TECRL: variants seen among roughly 807,000 people sequenced by gnomAD.
TECRL encodes the protein trans-2,3-enoyl-CoA reductase-like.
Under a neutral mutation model 52.8 loss-of-function variants are expected in TECRL, and 63 were observed. The ratio of observed to expected loss-of-function variants is 1.19; its 90% CI spans 0.97 to 1.47. The LOEUF (loss-of-function observed/expected upper bound fraction) is 1.47. TECRL is among the 40% of genes most tolerant of loss of function. The pLI, the probability that TECRL is intolerant of heterozygous loss-of-function variation, is 0.00. For missense variants in TECRL, 482 were observed against 429.6 expected, an observed-to-expected ratio of 1.12 and a Z score of -1.08; for synonymous variants, 164 against 141.9, an observed-to-expected ratio of 1.16 and a Z score of -1.10.
At chr4:64,356,860 G>C (rs4241649) in intron 2 of TECRL, among the ~76,000 whole-genome samples, 137,858 of 152,170 alleles carry the variant, frequency 0.91, 62,946 homozygotes, top group East Asian at 1. Flanking sequence ...GAGGGGCTGG[G>C]CTCCTTCAAC....
intron 2 of TECRL, among the ~76,000 whole-genome samples, chr4:64,373,201 T>A (rs1722105813): frequency 6.6e-6 from 1 of 151,686 alleles, no homozygotes; most frequent in South Asian, 2.1e-4. Flanking sequence ...GCTGAAATAT[T>A]ATTTTTATAT....
intron 2 of TECRL, among the ~76,000 whole-genome samples, chr4:64,357,618 A>T (rs1209771111): frequency 6.6e-6 from 1 of 151,588 alleles, no homozygotes; most frequent in Non-Finnish European, 1.5e-5. Context: ...AAAAGTTAAA[A>T]TAAAAATTAT....
intron 1 of TECRL, among the ~76,000 whole-genome samples, chr4:64,404,082 A>G (rs1485643304): frequency 1.3e-5 from 2 of 152,170 alleles, no homozygotes; most frequent in East Asian, 3.9e-4. Flanking sequence ...TATAATTTGT[A>G]TGCACTCTTA....
chr4:64,358,834 T>G (rs535762471), intron 2 of TECRL, among the ~76,000 whole-genome samples: 122 of 151,908 alleles, frequency 8.0e-4, no homozygotes, highest in African/African-American at 2.9e-3. Flanking sequence ...AGCAATAAGA[T>G]TCAGTATATT....
chr4:64,337,852 C>G (rs969701014), intron 2 of TECRL, among the ~76,000 whole-genome samples: 1 of 152,122 alleles, frequency 6.6e-6, no homozygotes, highest in Non-Finnish European at 1.5e-5. Context: ...AATGGCCATA[C>G]TGCCCAAGGT....
intron 2 of TECRL, among the ~76,000 whole-genome samples, chr4:64,338,044 A>G (rs1022581854): frequency 6.6e-5 from 10 of 152,224 alleles, no homozygotes; most frequent in Non-Finnish European, 1.3e-4. Context: ...CTATAAGGCT[A>G]CAATAACCAA....
At chr4:64,345,907 C>CAAAGAAAAAAAAAAA (rs1719924134) in intron 2 of TECRL, among the ~76,000 whole-genome samples, 1 of 23,350 alleles carries the variant, frequency 4.3e-5, no homozygotes, top group Non-Finnish European at 6.8e-5. Context: ...GCCTCAACAG[C>CAAAGAAAAAAAAAAA]AAAAAAAAAA....
Position 64,278,894 on chromosome 4 carries a change from A to G in TECRL, c.*1178T>C, listed in dbSNP as rs1722679777. 6.6e-6 allele frequency: 1 copy of G among 152,184 alleles called. No individual in the cohort carries two copies. The highest frequency in any genetic ancestry group is 1.5e-5 in the Non-Finnish European group (1 of 68,032). The allele number at this position is 152,184 out of a possible 1,614,324, so 9.4% of individuals were successfully genotyped here. On this transcript the variant is annotated 3_prime_UTR_variant, in exon 12 of 12. Transcript: ENST00000381210. ...TTCTGTTCCTGGCTTGTTTCACTTA[A>G]CATATGCCCTCCAATTCCATCCATG...
At chr4:64,314,923 C>A (rs969081277) in intron 4 of TECRL, among the ~76,000 whole-genome samples, 160 bp from the exon 5 acceptor site, 1 of 151,982 alleles carries the variant, frequency 6.6e-6, no homozygotes, top group African/African-American at 2.4e-5. Context: ...TTGGAAGAAC[C>A]AGGGGGAGAA....
chr4:64,404,317 AT>A (rs1326274256), intron 1 of TECRL, among the ~76,000 whole-genome samples: 1 of 151,812 alleles, frequency 6.6e-6, no homozygotes, highest in Non-Finnish European at 1.5e-5. Context: ...TATTGGAAAC[AT>A]TTACCATTTA....
chr4:64,389,302 C>T (rs1723393391), intron 1 of TECRL, among the ~76,000 whole-genome samples: 1 of 151,842 alleles, frequency 6.6e-6, no homozygotes, highest in African/African-American at 2.4e-5. Context: ...TCTATTCCTA[C>T]TTTATTGAGA....
intron 1 of TECRL, among the ~76,000 whole-genome samples, chr4:64,399,338 GC>G (rs1724179854): frequency 6.6e-6 from 1 of 152,124 alleles, no homozygotes; most frequent in African/African-American, 2.4e-5. Flanking sequence ...TAAAAGAGAA[GC>G]AGAGCATAAA....
Position 64,375,237 on chromosome 4 carries a change from G to C in TECRL, c.235-14C>G. On this transcript the variant is annotated splice_polypyrimidine_tract_variant and intron_variant, in intron 1 of 11. Coordinates refer to ENST00000381210, the MANE Select transcript of TECRL (RefSeq NM_001010874.5). ...TGATTGTGTCACCTGAAAAGGAAAA[G>C]AAAATAGAGTTATTTTTAAAAACTG... 1 of 1,325,648 alleles carries C rather than the reference G, an allele frequency of 7.5e-7. No homozygotes were observed. Among genetic ancestry groups the C allele is most frequent in the Non-Finnish European group, 1.0e-6 (1 of 1,003,590 alleles). The allele number at this position is 1,325,648 out of a possible 1,614,324, so 82.1% of individuals were successfully genotyped here.
intron 1 of TECRL, among the ~76,000 whole-genome samples, chr4:64,382,326 T>G: frequency 6.9e-6 from 1 of 144,772 alleles, no homozygotes; most frequent in African/African-American, 2.6e-5. Flanking sequence ...ATATCTATAT[T>G]ATATATATAT....
chr4:64,299,974 C>G lies in TECRL; in HGVS notation c.774G>C (p.Leu258=). The change falls in exon 8 of 12, where the codon CTG becomes CTC. Residue 258 remains leucine (L), a splice_region_variant and synonymous_variant. Transcript: ENST00000381210. ...RQITVSAINF[L]ICEAGNHFIN... ...AGCAAAATATATATATGATACATAC[C>G]AGAAAATTGATAGCAGATACTGTGA... The G allele has an allele frequency of 3.2e-6, 5 of 1,567,058 alleles. No individual in the cohort carries two copies. The Admixed American group carries it at 9.0e-5, about 28-fold the overall frequency.
intron 2 of TECRL, among the ~76,000 whole-genome samples, chr4:64,364,860 AT>A (rs35653881): frequency 2.1e-5 from 3 of 142,562 alleles, no homozygotes; most frequent in Non-Finnish European, 3.1e-5. Context: ...TACTAAAACT[AT>A]TTTTTTTTCA....
chr4:64,395,827 C>T (rs1396909836), intron 1 of TECRL, among the ~76,000 whole-genome samples: 1 of 152,046 alleles, frequency 6.6e-6, no homozygotes, highest in Non-Finnish European at 1.5e-5. Flanking sequence ...TCTCCTTCTA[C>T]CCTCCACCCT....
At chr4:64,326,798 C>A (rs931787605) in intron 3 of TECRL, among the ~76,000 whole-genome samples, 2 of 152,040 alleles carry the variant, frequency 1.3e-5, no homozygotes, top group African/African-American at 4.8e-5. Flanking sequence ...ATCAATGCTT[C>A]TATTTTATTT....
intron 1 of TECRL, among the ~76,000 whole-genome samples, chr4:64,391,901 G>T (rs1244619511): frequency 6.6e-6 from 1 of 151,828 alleles, no homozygotes; most frequent in African/African-American, 2.4e-5. Flanking sequence ...ATGATTGAAG[G>T]ATCTTTAAAA....
Sources: allele counts gnomAD v4.1 joint callset (sites outside exome capture counted in the v4.1 genomes callset), GRCh38; gene constraint gnomAD v4.1.1; transcripts MANE v1.5; gene names NCBI Gene and HGNC (gene_info 2026-07-23, HGNC 2026-07-21).